VDAC2: variants seen among roughly 807,000 people sequenced by gnomAD.
The protein encoded by VDAC2 is voltage dependent anion channel 2, also known as non-selective voltage-gated ion channel VDAC2.
A neutral mutation model predicts 36.6 loss-of-function variants in VDAC2; 6 were observed. The observed-to-expected ratio is 0.16, with a 90% confidence interval of 0.09 to 0.32. VDAC2 has a LOEUF of 0.32. Ranked by LOEUF, VDAC2 falls within the 10% of genes least tolerant of loss-of-function variation. The probability of loss-of-function intolerance (pLI) is 1.00; values close to 1 mark genes in which losing one functional copy is unlikely to be tolerated. For synonymous variants in VDAC2, 109 were observed against 123.8 expected (o/e 0.88, Z 0.79); for missense variants, 247 against 346.0 (o/e 0.71, Z 2.27).
At chr10:75,218,000 A>T (rs1298291351) in intron 4 of VDAC2, 1 of 1,213,990 alleles carries the variant, frequency 8.2e-7, no homozygotes. Flanking sequence ...AGGTACGTGG[A>T]TCACTTGAGC....
intron 4 of VDAC2, among the ~76,000 whole-genome samples, chr10:75,216,096 G>A (rs1841595629): frequency 1.3e-5 from 2 of 152,206 alleles, no homozygotes; most frequent in Non-Finnish European, 2.9e-5. Flanking sequence ...AGGAAGCTTA[G>A]GTGTTTAGTT....
intron 8 of VDAC2, among the ~76,000 whole-genome samples, chr10:75,226,454 T>G (rs993413417): frequency 2.8e-5 from 4 of 143,440 alleles, no homozygotes; most frequent in Non-Finnish European, 6.1e-5. Context: ...TTTGTGGGTT[T>G]TTTTTTTTTT....
rs567653102 is a variant in VDAC2, at chr10:75,219,641, C to T, written c.356+285C>T. On this transcript the variant is annotated intron_variant, in intron 6 of 9. Transcript: ENST00000332211. ...CTGGGACTACAGGTGCGTGCCACCA[C>T]GCCCAGCTAATTTTTGTATTTTTAG... Among the ~76,000 whole-genome samples, 55 of 152,134 alleles carry T rather than the reference C, an allele frequency of 3.6e-4. 1 individual carries two copies. The highest frequency in any genetic ancestry group is 6.3e-4 in the African/African-American group (26 of 41,518).
At chr10:75,214,304 G>C (rs892655036) in intron 4 of VDAC2, among the ~76,000 whole-genome samples, 12 of 152,200 alleles carry the variant, frequency 7.9e-5, no homozygotes, top group African/African-American at 2.7e-4. Flanking sequence ...AGACCAGTCA[G>C]GTGGTACTCT....
intron 8 of VDAC2, among the ~76,000 whole-genome samples, chr10:75,227,576 A>AGTTTT (rs1841989654): frequency 3.9e-4 from 35 of 90,754 alleles, no homozygotes; most frequent in African/African-American, 1.8e-3. Context: ...AAATAATAGG[A>AGTTTT]ATTTTTTTTT....
chr10:75,221,137 A>T, intron 7 of VDAC2, 167 bp downstream of exon 7: 2 of 639,452 alleles, frequency 3.1e-6, no homozygotes, highest in South Asian at 4.5e-5. Flanking sequence ...ATAGTAGAAG[A>T]CTGTTAGTCT....
chr10:75,230,910 C>T lies in VDAC2; in HGVS notation c.806C>T (p.Thr269Ile). 1 of 1,613,536 alleles carries T rather than the reference C, an allele frequency of 6.2e-7. No homozygotes were observed. Among genetic ancestry groups the T allele is most frequent in the East Asian group, 2.2e-5 (1 of 44,862 alleles). Residue 269 changes from threonine to isoleucine, a missense_variant, in exon 10 of 10, where the codon ACA (threonine) becomes ATA (isoleucine). This residue lies in a region of VDAC2 where 159 missense variants were observed against 234.0 expected (regional missense o/e 0.68). Coordinates refer to ENST00000332211, the MANE Select transcript of VDAC2 (RefSeq NM_001391963.1). ...TQTLRPGVKL[T>I]LSALVDGKSI... is the part of the protein sequence containing the mutation. ...TTTGTCTTAATAGGTGTGAAGCTTA[C>T]ACTCTCTGCTCTGGTAGATGGGAAG...
At chr10:75,223,066 C>T (rs1211071676) in intron 8 of VDAC2, among the ~76,000 whole-genome samples, 2 of 151,630 alleles carry the variant, frequency 1.3e-5, no homozygotes, top group African/African-American at 2.4e-5. Context: ...CTGCAACCTC[C>T]GCCTCCTGGG....
intron 8 of VDAC2, among the ~76,000 whole-genome samples, chr10:75,223,044 G>A (rs113792973): frequency 6.7e-6 from 1 of 150,192 alleles, no homozygotes; most frequent in Admixed American, 6.7e-5. Flanking sequence ...GCAGTAGTGC[G>A]ATCTTGGCTC....
In VDAC2 at chr10:75,225,989, C is replaced by T. The variant is rs192157566; in HGVS notation, c.735+3587C>T. Among the ~76,000 whole-genome samples the T allele has an allele frequency of 1.4e-4, 22 of 152,216 alleles. 1 individual carries two copies. The highest frequency in any genetic ancestry group is 1.0e-3 in the South Asian group (5 of 4,822). Reference sequence around the variant, plus strand: ...TGTATTTTTAGTAGAGATGAGGTTTCGCCGTGTTGGCCAGGCTGGTCTCAA... The same window carrying T: ...TGTATTTTTAGTAGAGATGAGGTTTTGCCGTGTTGGCCAGGCTGGTCTCAA... On this transcript the variant is annotated intron_variant, in intron 8 of 9. Transcript: ENST00000332211.
rs1842051618 is a variant in VDAC2 at position 75,229,681 on chromosome 10, A to G, written c.773A>G (p.Tyr258Cys). Residue 258 changes from tyrosine to cysteine, a missense_variant, in exon 9 of 10, where the codon TAT becomes TGT. Transcript: ENST00000332211. Reference sequence around the variant, plus strand: ...AACTCTAGCTTAATTGGAGTAGGCTATACTCAGACTCTGAGGCCTGGTAAG... The same window carrying G: ...AACTCTAGCTTAATTGGAGTAGGCTGTACTCAGACTCTGAGGCCTGGTAAG... ...VNNSSLIGVG[Y>C]TQTLRPGVKL... is the part of the protein sequence containing the mutation. The G allele has an allele frequency of 9.3e-6, 15 of 1,606,562 alleles. No individual in the cohort carries two copies. The highest frequency in any genetic ancestry group is 1.2e-5 in the Non-Finnish European group (14 of 1,177,916).
intron 6 of VDAC2, among the ~76,000 whole-genome samples, 184 bp from the exon 7 acceptor site, chr10:75,220,559 C>T (rs1017169719): frequency 6.6e-6 from 1 of 152,224 alleles, no homozygotes; most frequent in African/African-American, 2.4e-5. Context: ...TCCTAGATGG[C>T]TGTCCAGTTG....
intron 3 of VDAC2, among the ~76,000 whole-genome samples, chr10:75,213,242 C>T (rs1466919638): frequency 6.7e-6 from 1 of 149,768 alleles, no homozygotes. Flanking sequence ...CCATGCCCAG[C>T]TTTTTTTTTG....
intron 4 of VDAC2, chr10:75,217,952 C>T (rs535690232): frequency 1.1e-5 from 14 of 1,288,384 alleles, no homozygotes; most frequent in African/African-American, 7.6e-5. Flanking sequence ...TTAGGCTTGG[C>T]GTGGTGATGC....
chr10:75,220,644 C>G, intron 6 of VDAC2, 99 bp from the exon 7 acceptor site: 1 of 998,580 alleles, frequency 1.0e-6, no homozygotes. Context: ...GATTTTTACT[C>G]CCTGGTCATA....
intron 8 of VDAC2, among the ~76,000 whole-genome samples, chr10:75,226,135 C>G (rs892584018): frequency 6.6e-6 from 1 of 152,116 alleles, no homozygotes; most frequent in African/African-American, 2.4e-5. Context: ...AGTAGCTTCT[C>G]CAGATGATAG....
intron 8 of VDAC2, among the ~76,000 whole-genome samples, chr10:75,226,399 T>C (rs911019646): frequency 6.6e-6 from 1 of 151,308 alleles, no homozygotes; most frequent in East Asian, 1.9e-4. Context: ...CCATTTGTCC[T>C]CGGTTCCTGA....
intron 8 of VDAC2, among the ~76,000 whole-genome samples, chr10:75,226,870 T>C (rs1232145861): frequency 6.6e-6 from 1 of 152,188 alleles, no homozygotes; most frequent in Non-Finnish European, 1.5e-5. Context: ...TGCTGGTTGC[T>C]AGGGAACAAA....
chr10:75,217,092 C>A (rs1004701354), intron 4 of VDAC2, among the ~76,000 whole-genome samples: 4 of 152,130 alleles, frequency 2.6e-5, no homozygotes, highest in Admixed American at 2.6e-4. Flanking sequence ...CCCGTCTCTA[C>A]AAAAAAATTT....
Sources: allele counts gnomAD v4.1 joint callset (sites outside exome capture counted in the v4.1 genomes callset), GRCh38; gene constraint gnomAD v4.1.1; regional missense constraint gnomAD v4.1.1; transcripts MANE v1.5; gene names NCBI Gene and HGNC (gene_info 2026-07-23, HGNC 2026-07-21).